The following OTUD4 variants were observed in gnomAD, a reference collection of about 807,000 sequenced individuals.
OTUD4 encodes the protein OTU domain-containing protein 4.
OTUD4 carries 24 observed loss-of-function variants against 130.4 expected under a neutral mutation model. That is an observed-to-expected ratio of 0.18 (90% CI 0.13 to 0.26). The LOEUF is 0.26. Among genes scored for constraint, OTUD4 ranks in the 10% least tolerant of loss-of-function variants. The probability of loss-of-function intolerance (pLI) is 1.00; values close to 1 mark genes in which losing one functional copy is unlikely to be tolerated. For missense variants in OTUD4, 1,031 were observed against 1,329.4 expected (o/e 0.78, Z 3.49); for synonymous variants, 420 against 472.5 (o/e 0.89, Z 1.44).
At chr4:145,151,138 C>G (rs1376426868) in intron 11 of OTUD4, among the ~76,000 whole-genome samples, 1 of 151,976 alleles carries the variant, frequency 6.6e-6, no homozygotes, top group Non-Finnish European at 1.5e-5. Context: ...AGTTGAATCA[C>G]AATCTAAGCA....
chr4:145,177,495 G>A (rs898890828), intron 1 of OTUD4, among the ~76,000 whole-genome samples: 2 of 152,176 alleles, frequency 1.3e-5, no homozygotes, highest in African/African-American at 2.4e-5. Context: ...ATAACACTTC[G>A]AAAGAATTAA....
At chr4:145,164,110 G>A (rs1751728728) in intron 5 of OTUD4, 44 bp downstream of exon 5, 9 of 864,012 alleles carry the variant, frequency 1.0e-5, no homozygotes, top group Middle Eastern at 2.6e-4. Flanking sequence ...CAACTAAGCG[G>A]TTCTTTTACT....
In OTUD4 at chr4:145,155,626, G is replaced by A; in HGVS notation, c.751C>T (p.Leu251Phe). The A allele has an allele frequency of 1.2e-6, 2 of 1,613,240 alleles. No individual in the cohort carries two copies. The highest frequency in any genetic ancestry group is 8.5e-7 in the Non-Finnish European group (1 of 1,179,646). Residue 251 changes from leucine (L) to phenylalanine (F), a missense_variant, in exon 9 of 21, where the codon CTC becomes TTC. Coordinates refer to ENST00000447906, the MANE Select transcript of OTUD4 (RefSeq NM_001366057.1). Reference sequence around the variant, plus strand: ...ACATTTCTATAGACTGCAGGATTGAGTGACTTAAGAACCTTTCTAGACAAA... The same window carrying A: ...ACATTTCTATAGACTGCAGGATTGAATGACTTAAGAACCTTTCTAGACAAA... The part of the protein sequence containing the change: ...LPLSRKVLKS[L>F]NPAVYRNVEY...
rs1376318001 is a variant in OTUD4, at chr4:145,155,482, A to T, written c.809-7T>A. The T allele has an allele frequency of 7.0e-7, 1 of 1,426,582 alleles. No individual in the cohort carries two copies. Among genetic ancestry groups the T allele is most frequent in the Admixed American group, 2.2e-5 (1 of 44,814 alleles). 88.4% of individuals were successfully genotyped at this position (1,426,582 alleles called of 1,614,324 possible). On this transcript the variant is annotated splice_polypyrimidine_tract_variant and splice_region_variant and intron_variant, in intron 9 of 20. Coordinates refer to ENST00000447906, the MANE Select transcript of OTUD4 (RefSeq NM_001366057.1). ...TAATCACGTTTTTGCTGAGCTGTTA[A>T]AAAAAAAAAGGTCAGTATAATATAA...
intron 3 of OTUD4, among the ~76,000 whole-genome samples, chr4:145,165,532 C>T (rs1751811635): frequency 6.6e-6 from 1 of 151,912 alleles, no homozygotes; most frequent in South Asian, 2.1e-4. Context: ...GGCTGGAGTG[C>T]AGCGGCGTGA....
intron 13 of OTUD4, 23 bp from the exon 14 acceptor site, chr4:145,146,452 C>T: frequency 8.1e-7 from 1 of 1,236,910 alleles, no homozygotes; most frequent in Non-Finnish European, 1.1e-6. Context: ...ACATTCTTGT[C>T]AGAAAATACA....
At chr4:145,148,664 G>A (rs1204019759) in intron 13 of OTUD4, among the ~76,000 whole-genome samples, 1 of 152,146 alleles carries the variant, frequency 6.6e-6, no homozygotes, top group Non-Finnish European at 1.5e-5. Flanking sequence ...AGTAGTCTAT[G>A]TGTATTTTCT....
At chr4:145,152,767 A>G in intron 10 of OTUD4, 132 bp from the exon 11 acceptor site, 1 of 597,914 alleles carries the variant, frequency 1.7e-6, no homozygotes, top group South Asian at 2.2e-5. Flanking sequence ...CCCAGGCTGA[A>G]GTGCAGAGGC....
chr4:145,162,781 A>G lies in OTUD4; in HGVS notation c.415-60T>C, dbSNP rs538188586. The G allele has an allele frequency of 7.2e-5, 57 of 786,640 alleles. No homozygotes were observed. In the South Asian group the frequency reaches 9.5e-4, roughly 13 times the overall value. The allele number at this position is 786,640 out of a possible 1,614,324, so 48.7% of individuals were successfully genotyped here. A position where few individuals can be genotyped will look rare whatever the true frequency, so the allele number is the denominator to read the frequency against. On this transcript the variant is annotated intron_variant, in intron 5 of 20. Transcript: ENST00000447906. ...CTCATACATATAACATTTACATAGCAATGTATGTCTCCAATGCCTCTGAAT... is the reference window on the plus strand; with the variant it reads ...CTCATACATATAACATTTACATAGCGATGTATGTCTCCAATGCCTCTGAAT...
At chr4:145,173,957 G>C (rs550227676) in intron 2 of OTUD4, among the ~76,000 whole-genome samples, 3 of 151,862 alleles carry the variant, frequency 2.0e-5, no homozygotes, top group Non-Finnish European at 4.4e-5. Flanking sequence ...ATAAAATTAA[G>C]GGTTCAGCAT....
chr4:145,165,112 G>C, intron 4 of OTUD4, 39 bp downstream of exon 4: 1 of 1,144,130 alleles, frequency 8.7e-7, no homozygotes, highest in Non-Finnish European at 1.3e-6. Flanking sequence ...ATTTCCCACT[G>C]GTTTCATTTT....
At position 145,176,472 on chromosome 4, in the gene OTUD4, G is replaced by T. The variant is rs1752430173; in HGVS notation, c.160-1728C>A. 4.0e-5 allele frequency among the ~76,000 whole-genome samples: 6 copies of T among 151,254 alleles called. No homozygotes were observed. In the South Asian group the frequency reaches 1.3e-3, roughly 32 times the overall value. ...AGGCCGAGGAGGGTGGGTCCCCTGAGGTCAGGAGTTTGAGACTAGCCTGGT... is the reference window on the plus strand; with the variant it reads ...AGGCCGAGGAGGGTGGGTCCCCTGATGTCAGGAGTTTGAGACTAGCCTGGT... On this transcript the variant is annotated intron_variant, in intron 1 of 20. Transcript: ENST00000447906.
chr4:145,172,936 C>G (rs1175711036), intron 2 of OTUD4, among the ~76,000 whole-genome samples: 2 of 152,096 alleles, frequency 1.3e-5, no homozygotes, highest in African/African-American at 4.8e-5. Context: ...GAGCAGAAAG[C>G]GTCCACCTAT....
At position 145,155,933 on chromosome 4, in the gene OTUD4, T is replaced by G; in HGVS notation, c.690+3A>C. Reference sequence around the variant, plus strand: ...CATTTAAAACCACTTTTAAAAAAAATACCTCATTGCCTGACAAAGGTTTAA... The same window carrying G: ...CATTTAAAACCACTTTTAAAAAAAAGACCTCATTGCCTGACAAAGGTTTAA... On this transcript the variant is annotated splice_donor_region_variant and intron_variant, in intron 8 of 20. Transcript: ENST00000447906. 6.2e-7 allele frequency: 1 copy of G among 1,601,818 alleles called. No individual in the cohort carries two copies. The highest frequency in any genetic ancestry group is 8.5e-7 in the Non-Finnish European group (1 of 1,174,682).
chr4:145,165,245 G>T (rs1440762187), intron 3 of OTUD4, 48 bp from the exon 4 acceptor site: 6 of 1,247,742 alleles, frequency 4.8e-6, no homozygotes, highest in African/African-American at 4.5e-5. Context: ...ACACTTTTTA[G>T]ATTCCACTTT....
rs776289376 is a variant in OTUD4, at chr4:145,137,706, A to C, written c.3069T>G (p.Ser1023Arg). Residue 1023 changes from serine to arginine, a missense_variant, in exon 21 of 21, where the codon AGT (serine) becomes AGG (arginine). Coordinates refer to ENST00000447906, the MANE Select transcript of OTUD4 (RefSeq NM_001366057.1). ...DSRVQRPKEESSEDENEVSNI... is the reference protein window; with the variant it reads ...DSRVQRPKEERSEDENEVSNI... Reference sequence around the variant, plus strand: ...TAGACACTTCATTTTCATCTTCTGAACTCTCTTCTTTTGGTCTTTGCACTC... The same window carrying C: ...TAGACACTTCATTTTCATCTTCTGACCTCTCTTCTTTTGGTCTTTGCACTC... The C allele has an allele frequency of 4.0e-5, 64 of 1,613,342 alleles. No homozygotes were observed. The highest frequency in any genetic ancestry group is 5.0e-5 in the Non-Finnish European group (59 of 1,179,910).
intron 14 of OTUD4, among the ~76,000 whole-genome samples, chr4:145,145,314 G>A (rs756573475): frequency 3.3e-5 from 5 of 151,928 alleles, no homozygotes; most frequent in Non-Finnish European, 7.4e-5. Context: ...TACGGATTTG[G>A]GCACTTCAAT....
intron 3 of OTUD4, among the ~76,000 whole-genome samples, chr4:145,167,672 C>T (rs1751942214): frequency 6.6e-6 from 1 of 152,130 alleles, no homozygotes; most frequent in Admixed American, 6.5e-5. Context: ...CCCTGGCCAA[C>T]ATGGTGAAAC....
chr4:145,149,501 C>A (rs952813280), intron 13 of OTUD4: 1 of 152,156 alleles, frequency 6.6e-6, no homozygotes, highest in East Asian at 1.9e-4. Context: ...GTCTTGAAGA[C>A]GCTACATAAA....
Sources: allele counts gnomAD v4.1 joint callset (sites outside exome capture counted in the v4.1 genomes callset), GRCh38; gene constraint gnomAD v4.1.1; transcripts MANE v1.5; gene names NCBI Gene and HGNC (gene_info 2026-07-23, HGNC 2026-07-21).